The following CNTNAP2 variants were observed in gnomAD, a reference collection of about 807,000 sequenced individuals.
CNTNAP2 encodes the protein contactin associated protein 2.
A neutral mutation model predicts 155.2 loss-of-function variants in CNTNAP2; 98 were observed. That is an observed-to-expected ratio of 0.63 (90% CI 0.54 to 0.75). The LOEUF (loss-of-function observed/expected upper bound fraction) is 0.75, where lower values mean the gene tolerates loss of function less well. Among genes scored for constraint, CNTNAP2 ranks in the 30% least tolerant of loss-of-function variants. The probability of loss-of-function intolerance (pLI) is 0.00; values close to 1 mark genes in which losing one functional copy is unlikely to be tolerated. For synonymous variants in CNTNAP2, 651 were observed against 631.2 expected, an observed-to-expected ratio of 1.03 and a Z score of -0.47; for missense variants, 1,727 against 1,688.1, an observed-to-expected ratio of 1.02 and a Z score of -0.40.
intron 14 of CNTNAP2, among the ~76,000 whole-genome samples, chr7:147,925,553 GC>G (rs1047929868): frequency 2.0e-5 from 3 of 151,784 alleles, no homozygotes; most frequent in Non-Finnish European, 4.4e-5. Context: ...TGCAAGCTCT[GC>G]CTCCCAGGTT....
intron 1 of CNTNAP2, among the ~76,000 whole-genome samples, chr7:146,537,547 G>A (rs1243766471): frequency 2.6e-5 from 4 of 152,118 alleles, no homozygotes; most frequent in Non-Finnish European, 5.9e-5. Flanking sequence ...GTCAGATGGT[G>A]AACGCCAAGG....
At chr7:148,233,940 G>T (rs902524112) in intron 20 of CNTNAP2, among the ~76,000 whole-genome samples, 2 of 152,122 alleles carry the variant, frequency 1.3e-5, no homozygotes, top group African/African-American at 4.8e-5. Flanking sequence ...CTCCTGCTTT[G>T]CCCTCTTCCT....
chr7:146,203,359 G>C (rs574809252), intron 1 of CNTNAP2, among the ~76,000 whole-genome samples: 1 of 152,290 alleles, frequency 6.6e-6, no homozygotes, highest in East Asian at 1.9e-4. Flanking sequence ...TTTGGGTTCA[G>C]TTAATTTATT....
intron 5 of CNTNAP2, among the ~76,000 whole-genome samples, chr7:147,119,458 T>C (rs181918663): frequency 1.7e-4 from 26 of 152,338 alleles, no homozygotes; most frequent in Non-Finnish European, 2.9e-4. Flanking sequence ...CAGACGTGTC[T>C]ACCTGCTGCT....
intron 1 of CNTNAP2, among the ~76,000 whole-genome samples, chr7:146,694,342 GCAT>G (rs1223047365): frequency 5.9e-5 from 9 of 152,194 alleles, no homozygotes; most frequent in African/African-American, 2.2e-4. Context: ...ACTTGTTCCA[GCAT>G]CATTTGTTGA....
chr7:147,037,669 G>T (rs944814965), intron 3 of CNTNAP2, among the ~76,000 whole-genome samples: 19 of 152,028 alleles, frequency 1.2e-4, no homozygotes, highest in Middle Eastern at 3.4e-3. Flanking sequence ...CACCATGTTG[G>T]CCAACTTCTC....
chr7:147,393,424 A>C (rs1387970169), intron 9 of CNTNAP2, among the ~76,000 whole-genome samples: 1 of 151,432 alleles, frequency 6.6e-6, no homozygotes, highest in Admixed American at 6.6e-5. Context: ...TCACACATAC[A>C]TCCATTCATT....
At position 147,150,463 on chromosome 7, in the gene CNTNAP2, T is replaced by C. The variant is rs1801804048; in HGVS notation, c.1348+17954T>C. ...ACAAAGAAGATAATAGAAAAAAAAGTAATAAACCTAAGCAGGCAACTACAT... is the reference window on the plus strand; with the variant it reads ...ACAAAGAAGATAATAGAAAAAAAAGCAATAAACCTAAGCAGGCAACTACAT... On this transcript the variant is annotated intron_variant, in intron 8 of 23. Coordinates refer to ENST00000361727, the MANE Select transcript of CNTNAP2 (RefSeq NM_014141.6). Among the ~76,000 whole-genome samples, 7 of 152,198 alleles carry C rather than the reference T, an allele frequency of 4.6e-5. No homozygotes were observed. The South Asian group carries it at 1.5e-3, about 32-fold the overall frequency.
intron 13 of CNTNAP2, among the ~76,000 whole-genome samples, chr7:147,721,828 C>T (rs1422006076): frequency 1.3e-5 from 2 of 152,100 alleles, no homozygotes; most frequent in Admixed American, 1.3e-4. Context: ...TACCTACTCT[C>T]AACTGCTGTA....
At chr7:147,116,430 C>A (rs770511873) in intron 5 of CNTNAP2, among the ~76,000 whole-genome samples, 15 of 151,834 alleles carry the variant, frequency 9.9e-5, no homozygotes, top group Admixed American at 9.2e-4. Context: ...AGCTGAGAAG[C>A]CTGAATGTCC....
chr7:147,395,264 G>C (rs1391196261), intron 9 of CNTNAP2, among the ~76,000 whole-genome samples: 1 of 152,014 alleles, frequency 6.6e-6, no homozygotes, highest in Non-Finnish European at 1.5e-5. Context: ...TAATCTCTGA[G>C]GGCTGGCTCA....
intron 3 of CNTNAP2, among the ~76,000 whole-genome samples, chr7:146,914,401 C>A: frequency 6.6e-6 from 1 of 152,062 alleles, no homozygotes; most frequent in East Asian, 1.9e-4. Flanking sequence ...TCCTAGTTTT[C>A]CTTCCCACCA....
chr7:148,187,994 C>T (rs554700342), intron 18 of CNTNAP2, among the ~76,000 whole-genome samples: 48 of 152,016 alleles, frequency 3.2e-4, no homozygotes, highest in African/African-American at 1.1e-3. Flanking sequence ...TACATGCGTG[C>T]ACACACATGC....
At chr7:146,784,959 C>T (rs1041229342) in intron 2 of CNTNAP2, among the ~76,000 whole-genome samples, 1 of 147,560 alleles carries the variant, frequency 6.8e-6, no homozygotes, top group Non-Finnish European at 1.5e-5. Flanking sequence ...ATTTAATATT[C>T]CTTTATCCCT....
chr7:147,166,542 T>C (rs1802116957), intron 8 of CNTNAP2, among the ~76,000 whole-genome samples: 1 of 152,032 alleles, frequency 6.6e-6, no homozygotes, highest in Non-Finnish European at 1.5e-5. Context: ...CCTGTGGAAA[T>C]AAAAAATGTT....
chr7:148,080,749 C>G (rs1803585740), intron 15 of CNTNAP2, among the ~76,000 whole-genome samples: 1 of 152,012 alleles, frequency 6.6e-6, no homozygotes, highest in African/African-American at 2.4e-5. Context: ...TCTAGGAACA[C>G]TTTTACTGGT....
intron 15 of CNTNAP2, among the ~76,000 whole-genome samples, chr7:148,112,868 T>TTA (rs398006722): frequency 2.7e-5 from 4 of 149,856 alleles, no homozygotes; most frequent in South Asian, 2.1e-4. Context: ...TTTTTTTTTT[T>TTA]AAAAAAAAAT....
At chr7:148,125,433 G>A (rs1360156173) in intron 16 of CNTNAP2, among the ~76,000 whole-genome samples, 2 of 152,028 alleles carry the variant, frequency 1.3e-5, no homozygotes, top group East Asian at 3.9e-4. Context: ...CTTAGTACAC[G>A]TATCCATGCG....
intron 12 of CNTNAP2, among the ~76,000 whole-genome samples, chr7:147,628,868 TAAAAAAA>T (rs60644349): frequency 8.5e-6 from 1 of 117,188 alleles, no homozygotes; most frequent in Non-Finnish European, 1.8e-5. Context: ...CAACAGCAGT[TAAAAAAA>T]AAAAAAAAAA....
Sources: allele counts gnomAD v4.1 joint callset (sites outside exome capture counted in the v4.1 genomes callset), GRCh38; gene constraint gnomAD v4.1.1; transcripts MANE v1.5; gene names NCBI Gene and HGNC (gene_info 2026-07-23, HGNC 2026-07-21).